INPP4B: variants seen among roughly 807,000 people sequenced by gnomAD.
INPP4B encodes inositol polyphosphate 4-phosphatase type II.
In INPP4B, 55 loss-of-function variants were observed where a neutral mutation model predicts 122.5. The observed-to-expected ratio is 0.45, with a 90% CI of 0.36 to 0.56. The LOEUF (loss-of-function observed/expected upper bound fraction) is 0.56. Among genes scored for constraint, INPP4B ranks in the 20% least tolerant of loss-of-function variants. The pLI is 0.00. For missense variants in INPP4B, 1,000 were observed against 1,097.7 expected, an observed-to-expected ratio of 0.91 and a Z score of 1.26; for synonymous variants, 403 against 388.7, an observed-to-expected ratio of 1.04 and a Z score of -0.43.
intron 12 of INPP4B, among the ~76,000 whole-genome samples, chr4:142,231,911 AG>A (rs981342756): frequency 6.6e-6 from 1 of 152,192 alleles, no homozygotes; most frequent in African/African-American, 2.4e-5. Flanking sequence ...ATAGAAGTCA[AG>A]GATTGACTAT....
intron 2 of INPP4B, among the ~76,000 whole-genome samples, chr4:142,695,716 A>G (rs1274698284): frequency 6.6e-6 from 1 of 152,240 alleles, no homozygotes; most frequent in Non-Finnish European, 1.5e-5. Context: ...TAAATCAGTT[A>G]TATAATGCTC....
At chr4:142,831,096 T>C (rs934968970) in intron 1 of INPP4B, among the ~76,000 whole-genome samples, 5 of 152,094 alleles carry the variant, frequency 3.3e-5, no homozygotes, top group African/African-American at 4.8e-5. Context: ...TGCTTTTTAT[T>C]GCCTTCTACT....
intron 2 of INPP4B, among the ~76,000 whole-genome samples, chr4:142,667,511 A>G (rs937069888): frequency 4.6e-5 from 7 of 152,336 alleles, no homozygotes; most frequent in Non-Finnish European, 8.8e-5. Context: ...ACTGATATCT[A>G]GTCCTATCTT....
At chr4:142,357,594 T>C (rs1784030057) in intron 7 of INPP4B, among the ~76,000 whole-genome samples, 1 of 151,998 alleles carries the variant, frequency 6.6e-6, no homozygotes, top group Admixed American at 6.6e-5. Context: ...CTATAGATTA[T>C]GGGGAGAGGC....
At chr4:142,836,419 TGTGTGTGTGCGCGC>T (rs1231280967) in intron 1 of INPP4B, among the ~76,000 whole-genome samples, 1 of 151,936 alleles carries the variant, frequency 6.6e-6, no homozygotes, top group African/African-American at 2.4e-5. Flanking sequence ...AGTGTGTGAG[TGTGTGTGTGCGCGC>T]GTGTGTGTAT....
At chr4:142,271,921 A>G (rs979970683) in intron 9 of INPP4B, among the ~76,000 whole-genome samples, 2 of 152,212 alleles carry the variant, frequency 1.3e-5, no homozygotes, top group Non-Finnish European at 2.9e-5. Context: ...CGAGCAAGAA[A>G]AACTACAGAA....
chr4:142,599,580 C>A (rs897262845), intron 2 of INPP4B, among the ~76,000 whole-genome samples: 2 of 151,928 alleles, frequency 1.3e-5, no homozygotes, highest in Non-Finnish European at 2.9e-5. Context: ...CACTGTTACA[C>A]CAGAAGCACA....
rs571055274 is a variant in INPP4B at position 142,119,228 on chromosome 4, G to A, written c.2135+2900C>T. ...GTAAACTAGTTCAACCATTGTGGAAGACAGTGTGGCGATTCCTCAAGGATC... is the reference window on the plus strand; with the variant it reads ...GTAAACTAGTTCAACCATTGTGGAAAACAGTGTGGCGATTCCTCAAGGATC... On this transcript the variant is annotated intron_variant, in intron 21 of 25. Coordinates refer to ENST00000262992, the MANE Select transcript of INPP4B (RefSeq NM_001101669.3). 1.9e-4 allele frequency among the ~76,000 whole-genome samples: 29 copies of A among 152,280 alleles called. 1 individual carries two copies. Among genetic ancestry groups the A allele is most frequent in the African/African-American group, 5.5e-4 (23 of 41,572 alleles).
chr4:142,039,254 C>T (rs1337738289), intron 25 of INPP4B, among the ~76,000 whole-genome samples: 8 of 152,044 alleles, frequency 5.3e-5, no homozygotes, highest in Non-Finnish European at 5.9e-5. Flanking sequence ...ACAAAGCATG[C>T]TGAAATTGTA....
At chr4:142,474,996 G>T (rs1819568049) in intron 2 of INPP4B, among the ~76,000 whole-genome samples, 1 of 152,184 alleles carries the variant, frequency 6.6e-6, no homozygotes, top group Non-Finnish European at 1.5e-5. Flanking sequence ...CAGCAGTTTT[G>T]CTTCCGTCTG....
At chr4:142,460,953 T>C (rs562509461) in intron 3 of INPP4B, among the ~76,000 whole-genome samples, 33 of 152,162 alleles carry the variant, frequency 2.2e-4, no homozygotes, top group African/African-American at 7.7e-4. Context: ...CCAAGATGGG[T>C]GGATCATTTG....
intron 17 of INPP4B, among the ~76,000 whole-genome samples, chr4:142,146,744 G>A (rs1479603832): frequency 6.6e-6 from 1 of 152,100 alleles, no homozygotes; most frequent in Non-Finnish European, 1.5e-5. Context: ...TTGAAATTTT[G>A]ACAAATTGCT....
chr4:142,529,135 A>G (rs530344173), intron 2 of INPP4B, among the ~76,000 whole-genome samples: 44 of 152,158 alleles, frequency 2.9e-4, no homozygotes, highest in African/African-American at 8.4e-4. Flanking sequence ...AAAATGACCA[A>G]CGGATGCTTT....
At chr4:142,725,318 T>G (rs1020650281) in intron 2 of INPP4B, among the ~76,000 whole-genome samples, 1 of 152,136 alleles carries the variant, frequency 6.6e-6, no homozygotes, top group African/African-American at 2.4e-5. Context: ...AATTCAATCT[T>G]TCCAAAGAAA....
At chr4:142,560,313 C>G (rs16998560) in intron 2 of INPP4B, 55,803 of 152,116 alleles carry the variant, frequency 0.37, 11,273 homozygotes, top group East Asian at 0.8. Flanking sequence ...GACAATCAGG[C>G]TCCTCTGTGG....
intron 2 of INPP4B, among the ~76,000 whole-genome samples, chr4:142,489,171 CT>C (rs1553942679): frequency 9.2e-5 from 14 of 152,042 alleles, no homozygotes. Flanking sequence ...TTTAAGATGT[CT>C]TTTAATTTTT....
Position 142,112,685 on chromosome 4 carries a change from A to G in INPP4B, c.2136-3T>C, listed in dbSNP as rs1465662766. The G allele has an allele frequency of 6.2e-7, 1 of 1,604,524 alleles. No homozygotes were observed. Among genetic ancestry groups the G allele is most frequent in the African/African-American group, 1.3e-5 (1 of 74,436 alleles). Reference sequence around the variant, plus strand: ...TGACCTCTACCACGTAATGTTCTCTAAAGAAGGCAGAGGACAAAGGGAAGA... The same window carrying G: ...TGACCTCTACCACGTAATGTTCTCTGAAGAAGGCAGAGGACAAAGGGAAGA... On this transcript the variant is annotated splice_polypyrimidine_tract_variant and splice_region_variant and intron_variant, in intron 21 of 25. Coordinates refer to ENST00000262992, the MANE Select transcript of INPP4B (RefSeq NM_001101669.3).
intron 2 of INPP4B, among the ~76,000 whole-genome samples, chr4:142,469,523 G>T (rs1818425188): frequency 6.6e-6 from 1 of 151,998 alleles, no homozygotes; most frequent in African/African-American, 2.4e-5. Flanking sequence ...TTCATTTGAA[G>T]AAAGTATTCT....
chr4:142,590,040 G>C (rs115706642), intron 2 of INPP4B, among the ~76,000 whole-genome samples: 1,829 of 152,160 alleles, frequency 0.012, 32 homozygotes, highest in African/African-American at 0.041. Context: ...GACTACATAT[G>C]ATATTCCAAA....
Sources: allele counts gnomAD v4.1 joint callset (sites outside exome capture counted in the v4.1 genomes callset), GRCh38; gene constraint gnomAD v4.1.1; transcripts MANE v1.5; gene names NCBI Gene and HGNC (gene_info 2026-07-23, HGNC 2026-07-21).